The following ZNF236 variants were observed in gnomAD, a reference collection of about 807,000 sequenced individuals.
The protein encoded by ZNF236 is zinc finger protein 236.
A neutral mutation model predicts 191.2 loss-of-function variants in ZNF236; 50 were observed. That is an observed-to-expected ratio of 0.26 (90% CI 0.21 to 0.33). ZNF236 has a LOEUF of 0.33. Among genes scored for constraint, ZNF236 ranks in the 10% least tolerant of loss-of-function variants. ZNF236 has a pLI of 1.00. For missense variants in ZNF236, 1,754 were observed against 2,374.5 expected (o/e 0.74, Z 5.43); for synonymous variants, 907 against 928.8 (o/e 0.98, Z 0.43).
intron 28 of ZNF236, among the ~76,000 whole-genome samples, chr18:76,958,293 G>T (rs963451290): frequency 6.6e-6 from 1 of 152,196 alleles, no homozygotes. Context: ...CTAGGTTTAC[G>T]TAACCTCTGC....
At chr18:76,926,729 A>G (rs1275360167) in intron 22 of ZNF236, among the ~76,000 whole-genome samples, 60 of 7,852 alleles carry the variant, frequency 7.6e-3, no homozygotes, top group Middle Eastern at 0.045. Flanking sequence ...TGATTAGACC[A>G]TGTGTGTGTA....
intron 3 of ZNF236, among the ~76,000 whole-genome samples, chr18:76,860,032 G>T (rs1976167925): frequency 6.6e-6 from 1 of 152,168 alleles, no homozygotes; most frequent in Admixed American, 6.5e-5. Flanking sequence ...CTCAGCCGCT[G>T]GGAGGAGTGG....
At chr18:76,838,324 CATT>C (rs1486760620) in intron 1 of ZNF236, among the ~76,000 whole-genome samples, 2 of 152,188 alleles carry the variant, frequency 1.3e-5, no homozygotes, top group African/African-American at 2.4e-5. Context: ...GTTAAGTAAA[CATT>C]AGAGCTTTTT....
intron 1 of ZNF236, chr18:76,834,899 C>G: frequency 7.1e-6 from 2 of 282,044 alleles, no homozygotes; most frequent in South Asian, 3.7e-5. Context: ...TTGGGCTGCT[C>G]CCGCTTCACT....
chr18:76,863,532 A>G (rs1426529876), intron 3 of ZNF236, among the ~76,000 whole-genome samples: 1 of 152,192 alleles, frequency 6.6e-6, no homozygotes, highest in Non-Finnish European at 1.5e-5. Context: ...AAAAGAAAAT[A>G]GCACAAAAAT....
rs745827197 is a variant in ZNF236 at position 76,927,304 on chromosome 18, C to G, written c.4201C>G (p.Leu1401Val). 5.0e-6 allele frequency: 8 copies of G among 1,614,058 alleles called. No homozygotes were observed. Among genetic ancestry groups the G allele is most frequent in the Non-Finnish European group, 6.8e-6 (8 of 1,180,036 alleles). ...TGATCCAAGCATTCTGCAGCAGACG[C>G]TACAGCAGGGCAACCTATTGGCTCA... ...QIDPSILQQTLQQGNLLAQQL... is the reference protein window; with the variant it reads ...QIDPSILQQTVQQGNLLAQQL... The change falls in exon 24 of 31, where the codon CTA becomes GTA. Residue 1401 changes from leucine to valine, a missense_variant. By Grantham distance (32) the Leu-to-Val change is conservative. Transcript: ENST00000320610. The surrounding 1 kb of genome is among the most constrained non-coding windows in gnomAD (Gnocchi z 5.4).
intron 14 of ZNF236, 110 bp downstream of exon 14, chr18:76,908,683 G>C: frequency 1.5e-6 from 2 of 1,373,826 alleles, no homozygotes; most frequent in Non-Finnish European, 2.0e-6. Flanking sequence ...AAAACAATTT[G>C]TGCTGTATGT....
At chr18:76,887,371 CTAAATAAA>C (rs61702186) in intron 9 of ZNF236, 455 of 149,514 alleles carry the variant, frequency 3.0e-3, no homozygotes, top group African/African-American at 0.01. Flanking sequence ...GACTCCATGT[CTAAATAAA>C]TAAATAAATA....
Position 76,912,330 on chromosome 18 carries a change from G to C in ZNF236, c.2892G>C (p.Gln964His), listed in dbSNP as rs769164271. ...AGTTTCTGGAGGACAACGAGGACCAGAGCAGGCGCTCTTACAGGTAGTTGT... is the reference window on the plus strand; with the variant it reads ...AGTTTCTGGAGGACAACGAGGACCACAGCAGGCGCTCTTACAGGTAGTTGT... ...GSQFLEDNED[Q>H]SRRSYRCDYC... Residue 964 changes from glutamine to histidine, a missense_variant, in exon 17 of 31, where the codon CAG becomes CAC. By Grantham distance (24) the Gln-to-His change is conservative. Coordinates refer to ENST00000320610, the MANE Select transcript of ZNF236 (RefSeq NM_001306089.2). 8 of 1,614,086 alleles carry C rather than the reference G, an allele frequency of 5.0e-6. No individual in the cohort carries two copies. Among genetic ancestry groups the C allele is most frequent in the South Asian group, 1.1e-5 (1 of 91,068 alleles).
intron 4 of ZNF236, among the ~76,000 whole-genome samples, chr18:76,870,127 C>T (rs1976538838): frequency 6.6e-6 from 1 of 152,204 alleles, no homozygotes; most frequent in Non-Finnish European, 1.5e-5. Flanking sequence ...CCTGAAGACT[C>T]TAATGTTTAT....
chr18:76,895,074 C>G lies in ZNF236; in HGVS notation c.1479C>G (p.Phe493Leu). The G allele has an allele frequency of 6.2e-7, 1 of 1,611,908 alleles. No homozygotes were observed. Among genetic ancestry groups the G allele is most frequent in the South Asian group, 1.1e-5 (1 of 91,086 alleles). Residue 493 changes from phenylalanine (F) to leucine (L), a missense_variant, in exon 10 of 31, where the codon TTC becomes TTG. By Grantham distance (22) the Phe-to-Leu change is conservative. Transcript: ENST00000320610. ...TGTGTCCCTACTGCGCCAAGGAGTT[C>G]CGCAAGCCCAGCGACCTGGTCCGCC... The part of the protein sequence containing the change: ...WHVCPYCAKE[F>L]RKPSDLVRHI...
intron 7 of ZNF236, among the ~76,000 whole-genome samples, chr18:76,878,667 T>C (rs550918407): frequency 2.4e-4 from 36 of 152,258 alleles, no homozygotes; most frequent in African/African-American, 8.7e-4. Context: ...TTATTTTTTC[T>C]GTAGGCGTCT....
chr18:76,916,712 C>T (rs1967374826), intron 19 of ZNF236, among the ~76,000 whole-genome samples: 1 of 152,220 alleles, frequency 6.6e-6, no homozygotes, highest in South Asian at 2.1e-4. Flanking sequence ...TTCTGACACT[C>T]TTGGAGGTCA....
intron 1 of ZNF236, among the ~76,000 whole-genome samples, chr18:76,825,430 CATCTT>C (rs1974987224): frequency 1.3e-5 from 2 of 152,168 alleles, no homozygotes; most frequent in Non-Finnish European, 2.9e-5. Flanking sequence ...CAACTGCTGA[CATCTT>C]AGCACGAATC....
At chr18:76,940,452 G>T (rs908529315) in intron 26 of ZNF236, among the ~76,000 whole-genome samples, 1 of 152,190 alleles carries the variant, frequency 6.6e-6, no homozygotes, top group Non-Finnish European at 1.5e-5. Flanking sequence ...CAGCTCCCAG[G>T]GTCCCTGGTG....
Position 76,947,659 on chromosome 18 carries a change from GAT to G in ZNF236, c.4914+10_4914+11del. 2.5e-6 allele frequency: 4 copies of G among 1,611,948 alleles called. No homozygotes were observed. Among genetic ancestry groups the G allele is most frequent in the Non-Finnish European group, 3.4e-6 (4 of 1,179,042 alleles). ...TGAAGAAATAGCCTACCAGGTACAG[GAT>G]ATTCCTTCATTCACAGAGCTTTTGT... On this transcript the variant is annotated splice_region_variant and intron_variant, in intron 27 of 30. Coordinates refer to ENST00000320610, the MANE Select transcript of ZNF236 (RefSeq NM_001306089.2).
At chr18:76,939,383 A>G (rs562396963) in intron 26 of ZNF236, among the ~76,000 whole-genome samples, 20 of 152,118 alleles carry the variant, frequency 1.3e-4, no homozygotes, top group Non-Finnish European at 2.6e-4. Flanking sequence ...GGTGTAAATG[A>G]CTGGGGTGTG....
At chr18:76,903,989 A>G (rs923481981) in intron 11 of ZNF236, among the ~76,000 whole-genome samples, 2 of 149,664 alleles carry the variant, frequency 1.3e-5, no homozygotes, top group South Asian at 4.4e-4. Context: ...AATTTTGGAC[A>G]TAGTTATGTA....
rs188955449 is a variant in ZNF236, at chr18:76,856,730, T to G, written c.363+4791T>G. Among the ~76,000 whole-genome samples, 454 of 152,290 alleles carry G rather than the reference T, an allele frequency of 3.0e-3. 1 individual carries two copies. The highest frequency in any genetic ancestry group is 4.8e-3 in the Non-Finnish European group (325 of 68,012). ...TAAAGTATTTACATTCCTGGAAAGT[T>G]AGGTTTTTCTGCCTTGTGTGACAAA... On this transcript the variant is annotated intron_variant, in intron 3 of 30. Coordinates refer to ENST00000320610, the MANE Select transcript of ZNF236 (RefSeq NM_001306089.2).
Sources: allele counts gnomAD v4.1 joint callset (sites outside exome capture counted in the v4.1 genomes callset), GRCh38; gene constraint gnomAD v4.1.1; non-coding constraint Gnocchi (gnomAD v3.1); transcripts MANE v1.5; gene names NCBI Gene and HGNC (gene_info 2026-07-23, HGNC 2026-07-21).